C13orf46: variants seen among roughly 807,000 people sequenced by gnomAD.
C13orf46 encodes uncharacterized protein C13orf46.
chr13:113,958,188 C>T (rs1300059966), intron 6 of C13orf46, among the ~76,000 whole-genome samples: 2 of 147,240 alleles, frequency 1.4e-5, no homozygotes, highest in African/African-American at 2.6e-5. Context: ...CCTGCACCCC[C>T]TTTCATCAAG....
chr13:113,959,435 G>A (rs2052570468), intron 6 of C13orf46, among the ~76,000 whole-genome samples: 1 of 152,184 alleles, frequency 6.6e-6, no homozygotes, highest in Admixed American at 6.5e-5. Context: ...TGGCCAGGTT[G>A]AGCAGGTGCT....
At chr13:113,966,514 A>G (rs1159987538) in intron 5 of C13orf46, among the ~76,000 whole-genome samples, 2 of 151,078 alleles carry the variant, frequency 1.3e-5, no homozygotes, top group African/African-American at 4.9e-5. Context: ...AATGGTGGTG[A>G]TGATGGTGAA....
intron 5 of C13orf46, among the ~76,000 whole-genome samples, chr13:113,965,662 G>GT (rs1342828633): frequency 1.9e-4 from 29 of 149,752 alleles, no homozygotes; most frequent in Non-Finnish European, 2.8e-4. Flanking sequence ...AATGATGATG[G>GT]TGATTATAAT....
chr13:113,961,173 C>T (rs2052583417), intron 6 of C13orf46, among the ~76,000 whole-genome samples: 1 of 152,136 alleles, frequency 6.6e-6, no homozygotes, highest in African/African-American at 2.4e-5. Flanking sequence ...TCAGATTAAA[C>T]AATTACATTT....
intron 4 of C13orf46, 97 bp downstream of exon 4, chr13:113,968,370 C>T (rs2052670405): frequency 6.6e-6 from 1 of 152,210 alleles, no homozygotes; most frequent in Non-Finnish European, 1.5e-5. Context: ...TGAGCTGACC[C>T]CCAGGCCACC....
chr13:113,926,529 A>C, the C13orf46 span: 1 of 152,282 alleles, frequency 6.6e-6, no homozygotes. Flanking sequence ...ACACCGCGTG[A>C]TTCCTTTTAT....
Position 113,956,568 on chromosome 13 carries a change from A to G in C13orf46, c.*205T>C, listed in dbSNP as rs2052536480. On this transcript the variant is annotated 3_prime_UTR_variant, in exon 7 of 7. Coordinates refer to ENST00000636427, the MANE Select transcript of C13orf46 (RefSeq NM_001365455.2). ...TCAGAGCTGGCGGGATCTTTAGCCC[A>G]AAGGCGCAGTCTGTGCTCTCGCTCC... The G allele has an allele frequency of 6.6e-6, 1 of 152,508 alleles. No individual in the cohort carries two copies. The highest frequency in any genetic ancestry group is 6.5e-5 in the Admixed American group (1 of 15,290). 9.4% of individuals were successfully genotyped at this position (152,508 alleles called of 1,614,324 possible). A position where few individuals can be genotyped will look rare whatever the true frequency, so the allele number is the denominator to read the frequency against.
the C13orf46 span, among the ~76,000 whole-genome samples, chr13:113,936,772 G>A: frequency 2.0e-5 from 3 of 152,186 alleles, no homozygotes; most frequent in East Asian, 1.9e-4. Flanking sequence ...GCCCCGAGTC[G>A]CTTCTGGGTG....
chr13:113,931,211 T>G, the C13orf46 span, among the ~76,000 whole-genome samples: 65,599 of 152,096 alleles, frequency 0.43, 14,691 homozygotes, highest in South Asian at 0.55. Context: ...TTACCACAGA[T>G]GACTCATTCT....
chr13:113,945,246 A>G, the C13orf46 span, among the ~76,000 whole-genome samples: 1 of 152,072 alleles, frequency 6.6e-6, no homozygotes, highest in Non-Finnish European at 1.5e-5. Flanking sequence ...GCCCTCTCCC[A>G]GGCCACACCA....
chr13:113,972,697 C>A (rs1006616444), intron 1 of C13orf46, among the ~76,000 whole-genome samples: 1 of 152,224 alleles, frequency 6.6e-6, no homozygotes, highest in Non-Finnish European at 1.5e-5. Context: ...GGTTTAGAAG[C>A]CAACCGTGTC....
At chr13:113,945,660 GAAA>G in the C13orf46 span, among the ~76,000 whole-genome samples, 136 of 137,236 alleles carry the variant, frequency 9.9e-4, no homozygotes, top group Middle Eastern at 3.6e-3. Flanking sequence ...AAGAAAGAAA[GAAA>G]GAAAGAAAGG....
At position 113,954,327 on chromosome 13, in the gene C13orf46, T is replaced by C. The variant is rs2052503344; in HGVS notation, c.*2446A>G. 1 of 152,288 alleles carries C rather than the reference T, an allele frequency of 6.6e-6. No individual in the cohort carries two copies. The highest frequency in any genetic ancestry group is 1.5e-5 in the Non-Finnish European group (1 of 68,074). 9.4% of individuals were successfully genotyped at this position (152,288 alleles called of 1,614,324 possible). ...CACATGTGTGGTATGTACGAGCATGTATGTGCTGTGTACATATGAATATGC... is the reference window on the plus strand; with the variant it reads ...CACATGTGTGGTATGTACGAGCATGCATGTGCTGTGTACATATGAATATGC... On this transcript the variant is annotated 3_prime_UTR_variant, in exon 7 of 7. Coordinates refer to ENST00000636427, the MANE Select transcript of C13orf46 (RefSeq NM_001365455.2).
At chr13:113,951,515 G>A (rs1334974245), downstream of C13orf46, among the ~76,000 whole-genome samples, 9 of 152,268 alleles carry the variant, frequency 5.9e-5, no homozygotes, top group East Asian at 9.6e-4. Flanking sequence ...GGGAGATCCC[G>A]GCCGGGTTTC....
chr13:113,958,490 C>A (rs1053693804), intron 6 of C13orf46, among the ~76,000 whole-genome samples: 1 of 152,200 alleles, frequency 6.6e-6, no homozygotes, highest in African/African-American at 2.4e-5. Flanking sequence ...GTGCCTTTTC[C>A]TGCACACGAC....
downstream of C13orf46, among the ~76,000 whole-genome samples, chr13:113,948,772 T>C (rs1304828102): frequency 6.6e-6 from 1 of 152,186 alleles, no homozygotes; most frequent in Non-Finnish European, 1.5e-5. Context: ...CTGAGATAAA[T>C]CGAAGGAGAC....
chr13:113,936,319 G>A, the C13orf46 span, among the ~76,000 whole-genome samples: 5 of 152,184 alleles, frequency 3.3e-5, no homozygotes, highest in Admixed American at 1.3e-4. Flanking sequence ...CCGTCCTTGC[G>A]CCCAGAGTGA....
intron 6 of C13orf46, among the ~76,000 whole-genome samples, chr13:113,963,389 G>C (rs2052605636): frequency 1.2e-5 from 1 of 81,172 alleles, no homozygotes; most frequent in African/African-American, 4.5e-5. Context: ...CCTCAGCCTC[G>C]CCCCTGTCCT....
chr13:113,932,871 AT>A, the C13orf46 span, among the ~76,000 whole-genome samples: 41 of 148,500 alleles, frequency 2.8e-4, no homozygotes, highest in South Asian at 1.5e-3. Context: ...ACCTATTACA[AT>A]TTTTTTTTTT....
Sources: gnomAD v4.1 joint callset for allele counts (sites outside exome capture counted in the v4.1 genomes callset) on GRCh38, gnomAD v4.1.1 for gene constraint, MANE v1.5 for transcripts, NCBI Gene and HGNC (gene_info 2026-07-23, HGNC 2026-07-21) for gene names.